The following CSMD3 variants were observed in gnomAD, a reference collection of about 807,000 sequenced individuals.
CSMD3 encodes CUB and sushi domain-containing protein 3.
In CSMD3, 177 loss-of-function variants were observed where a neutral mutation model predicts 435.2. That is an observed-to-expected ratio of 0.41 (90% CI 0.36 to 0.46). The LOEUF (loss-of-function observed/expected upper bound fraction) is 0.46, where lower values mean the gene tolerates loss of function less well. Among genes scored for constraint, CSMD3 ranks in the 20% least tolerant of loss-of-function variants. The pLI, the probability that CSMD3 is intolerant of heterozygous loss-of-function variation, is 0.34. For synonymous variants in CSMD3, 1,656 were observed against 1,520.5 expected (o/e 1.09, Z -2.07); for missense variants, 4,265 against 4,504.6 (o/e 0.95, Z 1.52).
intron 17 of CSMD3, among the ~76,000 whole-genome samples, chr8:112,657,572 T>TA (rs1301435052): frequency 6.6e-6 from 1 of 152,098 alleles, no homozygotes; most frequent in South Asian, 2.1e-4. Flanking sequence ...ACATCTATTT[T>TA]AAAAAAATAG....
chr8:113,359,253 A>ACAACAAGT (rs1230181908), intron 1 of CSMD3, among the ~76,000 whole-genome samples: 1 of 152,292 alleles, frequency 6.6e-6, no homozygotes, highest in East Asian at 1.9e-4. Context: ...TAATTGGAAA[A>ACAACAAGT]CAACAAGTCA....
At chr8:113,394,982 G>T (rs1019395902) in intron 1 of CSMD3, among the ~76,000 whole-genome samples, 2 of 151,992 alleles carry the variant, frequency 1.3e-5, no homozygotes. Context: ...CAAGACATAG[G>T]GGCATGAAAT....
At chr8:112,438,056 C>T (rs1235169387) in intron 32 of CSMD3, among the ~76,000 whole-genome samples, 1 of 152,154 alleles carries the variant, frequency 6.6e-6, no homozygotes, top group Non-Finnish European at 1.5e-5. Context: ...TCATATCTAA[C>T]CTCTCCAACT....
At chr8:112,391,815 C>T (rs1196614303) in intron 35 of CSMD3, among the ~76,000 whole-genome samples, 1 of 152,048 alleles carries the variant, frequency 6.6e-6, no homozygotes, top group Non-Finnish European at 1.5e-5. Flanking sequence ...CTAACTACTA[C>T]AAGAAAGAAT....
chr8:112,316,639 C>T (rs1329195013), intron 47 of CSMD3, among the ~76,000 whole-genome samples: 2 of 151,702 alleles, frequency 1.3e-5, no homozygotes, highest in African/African-American at 4.8e-5. Context: ...TACATTATCT[C>T]CGTTATCACA....
intron 1 of CSMD3, among the ~76,000 whole-genome samples, chr8:113,406,097 C>T (rs1292134649): frequency 6.6e-6 from 1 of 151,738 alleles, no homozygotes; most frequent in Non-Finnish European, 1.5e-5. Flanking sequence ...AGGAAGAAAA[C>T]AGATTTCAGA....
intron 1 of CSMD3, among the ~76,000 whole-genome samples, chr8:113,381,357 A>G (rs1248171098): frequency 6.6e-6 from 1 of 152,194 alleles, no homozygotes. Flanking sequence ...AAGAAGCAGA[A>G]ACAGATCTAG....
chr8:112,924,765 G>A (rs561600629), intron 9 of CSMD3, among the ~76,000 whole-genome samples: 1 of 152,036 alleles, frequency 6.6e-6, no homozygotes, highest in Non-Finnish European at 1.5e-5. Context: ...GGGAAAAGTA[G>A]TTTAGAGTAG....
chr8:113,331,817 C>T (rs1444483383), intron 1 of CSMD3, among the ~76,000 whole-genome samples: 2 of 151,586 alleles, frequency 1.3e-5, no homozygotes, highest in African/African-American at 2.4e-5. Context: ...AACTGACGAC[C>T]ACCATCAAAT....
intron 1 of CSMD3, among the ~76,000 whole-genome samples, chr8:113,361,907 T>C (rs2094279850): frequency 6.6e-6 from 1 of 152,198 alleles, no homozygotes; most frequent in Admixed American, 6.5e-5. Context: ...TTATACTCAA[T>C]GTTATTTCCT....
chr8:113,148,838 C>T (rs1285985791), intron 4 of CSMD3, among the ~76,000 whole-genome samples: 5 of 151,610 alleles, frequency 3.3e-5, no homozygotes, highest in African/African-American at 1.2e-4. Flanking sequence ...AAAAACAGAA[C>T]TAAATATAAC....
At chr8:112,284,715 A>G (rs1326604279) in intron 58 of CSMD3, among the ~76,000 whole-genome samples, 2 of 151,832 alleles carry the variant, frequency 1.3e-5, no homozygotes, top group African/African-American at 4.8e-5. Flanking sequence ...TAATATTTCT[A>G]TTTTCCTTGG....
chr8:112,778,753 A>G (rs1373347518), intron 13 of CSMD3, among the ~76,000 whole-genome samples: 2 of 151,978 alleles, frequency 1.3e-5, no homozygotes, highest in East Asian at 1.9e-4. Context: ...GTAAGAAACT[A>G]CCAAACTATC....
intron 3 of CSMD3, among the ~76,000 whole-genome samples, chr8:113,266,045 A>C (rs139519237): frequency 1.8e-4 from 28 of 151,618 alleles, no homozygotes; most frequent in African/African-American, 6.5e-4. Flanking sequence ...TTATAACATA[A>C]TCTTATCTTA....
chr8:112,302,625 T>A (rs1821039354), intron 52 of CSMD3, among the ~76,000 whole-genome samples: 1 of 151,998 alleles, frequency 6.6e-6, no homozygotes, highest in South Asian at 2.1e-4. Flanking sequence ...CAATAACAGA[T>A]CATGTTCATT....
chr8:112,766,219 T>A (rs2132171220), intron 13 of CSMD3, among the ~76,000 whole-genome samples: 1 of 151,848 alleles, frequency 6.6e-6, no homozygotes, highest in East Asian at 1.9e-4. Flanking sequence ...CTACCTGATT[T>A]AAATCTAATC....
At chr8:112,895,057 T>C (rs529355675) in intron 10 of CSMD3, among the ~76,000 whole-genome samples, 3 of 151,500 alleles carry the variant, frequency 2.0e-5, no homozygotes, top group East Asian at 3.9e-4. Context: ...CTCTTATTTG[T>C]CCCTTCATTT....
intron 38 of CSMD3, among the ~76,000 whole-genome samples, chr8:112,373,055 C>T (rs1037002884): frequency 4.8e-4 from 71 of 146,522 alleles, no homozygotes; most frequent in African/African-American, 1.7e-3. Context: ...AATCAGATGG[C>T]GAAAACACTC....
At chr8:112,314,638 T>C (rs1462952451) in intron 47 of CSMD3, 21 bp from the exon 48 acceptor site, 2 of 1,570,572 alleles carry the variant, frequency 1.3e-6, no homozygotes, top group African/African-American at 2.7e-5. Flanking sequence ...AAAATGTCAT[T>C]AAATAATGCC....
Sources: allele counts gnomAD v4.1 joint callset (sites outside exome capture counted in the v4.1 genomes callset), GRCh38; gene constraint gnomAD v4.1.1; transcripts MANE v1.5; gene names NCBI Gene and HGNC (gene_info 2026-07-23, HGNC 2026-07-21).